Variants in PLEKHG4B observed in about 807,000 individuals in gnomAD.
PLEKHG4B encodes pleckstrin homology and RhoGEF domain containing G4B.
PLEKHG4B carries 111 observed loss-of-function variants against 121.3 expected under a neutral mutation model. The ratio of observed to expected loss-of-function variants is 0.92; its 90% CI spans 0.78 to 1.07. The LOEUF (loss-of-function observed/expected upper bound fraction) is 1.07, where lower values mean the gene tolerates loss of function less well. PLEKHG4B is among the 50% of genes least tolerant of loss of function. The pLI, the probability that PLEKHG4B is intolerant of heterozygous loss-of-function variation, is 0.00. For missense variants in PLEKHG4B, 1,831 were observed against 1,757.8 expected (o/e 1.04, Z -0.74); for synonymous variants, 738 against 725.0 (o/e 1.02, Z -0.29).
intron 13 of PLEKHG4B, among the ~76,000 whole-genome samples, chr5:167,939 C>T (rs1220809258): frequency 6.6e-6 from 1 of 152,172 alleles, no homozygotes; most frequent in Non-Finnish European, 1.5e-5. Context: ...TTTGGGAAGC[C>T]CAGTTTGGGC....
rs191585440 is a variant in PLEKHG4B at position 131,091 on chromosome 5, G to T, written c.244-8392G>T. Among the ~76,000 whole-genome samples, 14 of 151,218 alleles carry T rather than the reference G, an allele frequency of 9.3e-5. No homozygotes were observed. In the East Asian group the frequency reaches 2.7e-3, roughly 29 times the overall value. On this transcript the variant is annotated intron_variant, in intron 2 of 19. Transcript: ENST00000637938. ...ATCACAGCTGATGCCCCACGCCTCT[G>T]CAAGTTCCCCTTGAAGAAGCTGCTT...
chr5:181,693 C>T lies in PLEKHG4B; in HGVS notation c.4564+18C>T, dbSNP rs375651817. On this transcript the variant is annotated intron_variant, in intron 19 of 19. Coordinates refer to ENST00000637938, the MANE Select transcript of PLEKHG4B (RefSeq NM_052909.5). ...GGGCACAGGTACGGTGGCTCGGTCC[C>T]GCCCTCACTCACCCTGCAGAGGGCA... 100 of 1,606,086 alleles carry T rather than the reference C, an allele frequency of 6.2e-5. 2 individuals carry two copies. The South Asian group carries it at 8.2e-4, about 13-fold the overall frequency.
intron 2 of PLEKHG4B, among the ~76,000 whole-genome samples, chr5:135,646 A>ACAAAG (rs1443159604): frequency 8.5e-6 from 1 of 116,984 alleles, no homozygotes; most frequent in Non-Finnish European, 1.7e-5. Flanking sequence ...AGCCTGGGCG[A>ACAAAG]CAAAGCAAGA....
At chr5:181,264 G>A (rs896777890) in intron 18 of PLEKHG4B, among the ~76,000 whole-genome samples, 7 of 152,118 alleles carry the variant, frequency 4.6e-5, no homozygotes, top group Admixed American at 1.3e-4. Context: ...TGGACACGCC[G>A]TTTCCAAGGC....
chr5:152,696 C>A (rs544297117), intron 7 of PLEKHG4B, among the ~76,000 whole-genome samples: 2 of 152,312 alleles, frequency 1.3e-5, no homozygotes, highest in Non-Finnish European at 2.9e-5. Flanking sequence ...ACTCTGTCAT[C>A]TCTTCAGCTG....
At chr5:168,808 T>C (rs1218831981) in intron 13 of PLEKHG4B, among the ~76,000 whole-genome samples, 2 of 151,354 alleles carry the variant, frequency 1.3e-5, no homozygotes, top group South Asian at 2.1e-4. Context: ...AGAGAATGAG[T>C]GGAGGTGCAG....
intron 6 of PLEKHG4B, among the ~76,000 whole-genome samples, chr5:150,341 T>C (rs10070315): frequency 0.19 from 28,796 of 152,100 alleles, 3,794 homozygotes; most frequent in African/African-American, 0.37. Context: ...GGTTGCCTGG[T>C]GCCAGGAGCA....
rs2126469535 is a variant in PLEKHG4B, at chr5:182,215, A to T, written c.4776A>T (p.Arg1592Ser). The T allele has an allele frequency of 4.3e-6, 7 of 1,613,854 alleles. No homozygotes were observed. The highest frequency in any genetic ancestry group is 5.9e-6 in the Non-Finnish European group (7 of 1,180,038). The change falls in exon 20 of 20, where the codon AGA becomes AGT. Residue 1592 changes from arginine to serine, a missense_variant. Arg to Ser is a moderately radical substitution (Grantham distance 110, BLOSUM62 -1). Transcript: ENST00000637938. ...PAHSPWSSDI[R>S]ACVEEDEPEP... ...ACAGCCCCTGGTCATCTGATATCAG[A>T]GCCTGCGTCGAGGAAGATGAGCCAG...
chr5:121,021 C>T (rs917278690), intron 2 of PLEKHG4B, among the ~76,000 whole-genome samples: 3 of 151,902 alleles, frequency 2.0e-5, no homozygotes, highest in South Asian at 2.1e-4. Flanking sequence ...CTGAGGCAGG[C>T]GGATCACGAG....
rs1491292583 is a variant in PLEKHG4B at position 184,023 on chromosome 5, A to AGATAGATAGATAGATAGATAGAT, written c.*1706_*1707insTAGATAGATAGATAGATGATAGA. 1.3e-4 allele frequency: 20 copies of AGATAGATAGATAGATAGATAGAT among 151,146 alleles called. No individual in the cohort carries two copies. Among genetic ancestry groups the AGATAGATAGATAGATAGATAGAT allele is most frequent in the African/African-American group, 4.9e-4 (20 of 41,142 alleles). 9.4% of individuals were successfully genotyped at this position (151,146 alleles called of 1,614,324 possible). ...TAGATAGATAGATAGATAGATAGAT[A>AGATAGATAGATAGATAGATAGAT]GATAGACTGACAGACAGATGAGAGG... On this transcript the variant is annotated 3_prime_UTR_variant, in exon 20 of 20. Transcript: ENST00000637938.
rs1223434269 is a variant in PLEKHG4B at position 186,931 on chromosome 5, T to G, written c.*4608T>G. On this transcript the variant is annotated 3_prime_UTR_variant, in exon 20 of 20. Transcript: ENST00000637938. ...TCAGTACTGGGACCCCCAGGAAGGG[T>G]GTGTGGCCCCACCATCCTGAATGCT... 6.6e-6 allele frequency: 1 copy of G among 152,110 alleles called. No individual in the cohort carries two copies. The highest frequency in any genetic ancestry group is 1.5e-5 in the Non-Finnish European group (1 of 68,116). 9.4% of individuals were successfully genotyped at this position (152,110 alleles called of 1,614,324 possible).
chr5:140,067 C>T lies in PLEKHG4B; in HGVS notation c.828C>T (p.Ser276=), dbSNP rs566863952. ...LPYPERAELG[S]PRTLSGSSDR... ...ATCCAGAAAGAGCCGAGCTGGGAAG[C>T]CCCAGGACCCTGTCTGGAAGCTCAG... is the stretch of plus-strand genomic sequence containing the variant. The change falls in exon 3 of 20, where the codon AGC becomes AGT. Residue 276 remains serine (S), a synonymous_variant. Coordinates refer to ENST00000637938, the MANE Select transcript of PLEKHG4B (RefSeq NM_052909.5). 1 of 464,198 alleles carries T rather than the reference C, an allele frequency of 2.2e-6. No homozygotes were observed. The highest frequency in any genetic ancestry group is 3.5e-5 in the East Asian group (1 of 28,966). The allele number at this position is 464,198 out of a possible 1,614,324, so 28.8% of individuals were successfully genotyped here. A position where few individuals can be genotyped will look rare whatever the true frequency, so the allele number is the denominator to read the frequency against.
At position 156,329 on chromosome 5, in the gene PLEKHG4B, A is replaced by T; in HGVS notation, c.2348+119A>T. Reference sequence around the variant, plus strand: ...AGAGCCCCCTCTGTGCTTGGTCCAGACCTCCATTCTGACAGCCACGCTTTG... The same window carrying T: ...AGAGCCCCCTCTGTGCTTGGTCCAGTCCTCCATTCTGACAGCCACGCTTTG... On this transcript the variant is annotated intron_variant, in intron 10 of 19. Coordinates refer to ENST00000637938, the MANE Select transcript of PLEKHG4B (RefSeq NM_052909.5). This position sits in a 1 kb window ranked among gnomAD's most constrained non-coding sequence, Gnocchi z 4.4. 1 of 1,124,932 alleles carries T rather than the reference A, an allele frequency of 8.9e-7. No homozygotes were observed. The highest frequency in any genetic ancestry group is 1.2e-6 in the Non-Finnish European group (1 of 867,500). 69.7% of individuals were successfully genotyped at this position (1,124,932 alleles called of 1,614,324 possible).
At chr5:131,128 T>TTTTTTTTTA (rs1734764491) in intron 2 of PLEKHG4B, among the ~76,000 whole-genome samples, 1 of 151,960 alleles carries the variant, frequency 6.6e-6, no homozygotes, top group Non-Finnish European at 1.5e-5. Flanking sequence ...CTTTTTTTTT[T>TTTTTTTTTA]ACTTTAAATT....
At chr5:145,602 A>G (rs1413981987) in intron 6 of PLEKHG4B, among the ~76,000 whole-genome samples, 1 of 152,136 alleles carries the variant, frequency 6.6e-6, no homozygotes, top group Non-Finnish European at 1.5e-5. Flanking sequence ...ACTCAAGCGC[A>G]CCCACCTCAG....
chr5:147,828 C>T (rs933346780), intron 6 of PLEKHG4B, among the ~76,000 whole-genome samples: 3 of 152,012 alleles, frequency 2.0e-5, no homozygotes, highest in African/African-American at 7.3e-5. Context: ...AAGGTTGATG[C>T]CAAAATCATC....
rs550071596 is a variant in PLEKHG4B at position 189,089 on chromosome 5, T to C, written c.*6766T>C. 7 of 152,460 alleles carry C rather than the reference T, an allele frequency of 4.6e-5. No homozygotes were observed. The highest frequency in any genetic ancestry group is 2.1e-4 in the South Asian group (1 of 4,832). 9.4% of individuals were successfully genotyped at this position (152,460 alleles called of 1,614,324 possible). ...GGGCTGCGCACACCGATGGTCAGCA[T>C]TGCCGTTCGGGGCCTGCAGTCGCCC... On this transcript the variant is annotated 3_prime_UTR_variant, in exon 20 of 20. Coordinates refer to ENST00000637938, the MANE Select transcript of PLEKHG4B (RefSeq NM_052909.5).
chr5:120,212 C>T (rs1053250417), intron 2 of PLEKHG4B, among the ~76,000 whole-genome samples: 1 of 152,122 alleles, frequency 6.6e-6, no homozygotes, highest in African/African-American at 2.4e-5. Flanking sequence ...CTGATAGTAC[C>T]ACTGCACTTG....
intron 6 of PLEKHG4B, among the ~76,000 whole-genome samples, chr5:147,701 A>C (rs1735464616): frequency 6.6e-6 from 1 of 152,208 alleles, no homozygotes; most frequent in Non-Finnish European, 1.5e-5. Context: ...ACTTTTTCAA[A>C]AGAAATTCAT....
Sources: allele counts gnomAD v4.1 joint callset (sites outside exome capture counted in the v4.1 genomes callset), GRCh38; gene constraint gnomAD v4.1.1; non-coding constraint Gnocchi (gnomAD v3.1); transcripts MANE v1.5; gene names NCBI Gene and HGNC (gene_info 2026-07-23, HGNC 2026-07-21).